Variants in LARGE1 observed in about 807,000 individuals in gnomAD.
LARGE1 encodes LARGE xylosyl- and glucuronyltransferase 1.
A neutral mutation model predicts 87.6 loss-of-function variants in LARGE1; 43 were observed. The observed-to-expected ratio is 0.49, with a 90% confidence interval of 0.38 to 0.63. The LOEUF (loss-of-function observed/expected upper bound fraction) is 0.63, where lower values mean the gene tolerates loss of function less well. Among genes scored for constraint, LARGE1 ranks in the 30% least tolerant of loss-of-function variants. The pLI, the probability that LARGE1 is intolerant of heterozygous loss-of-function variation, is 0.00. For synonymous variants in LARGE1, 434 were observed against 394.6 expected, an observed-to-expected ratio of 1.10 and a Z score of -1.18; for missense variants, 802 against 1,000.2, an observed-to-expected ratio of 0.80 and a Z score of 2.67.
At chr22:33,573,736 G>C (rs9609826) in intron 5 of LARGE1, among the ~76,000 whole-genome samples, 1 of 152,154 alleles carries the variant, frequency 6.6e-6, no homozygotes, top group Non-Finnish European at 1.5e-5. Context: ...CTGTGTGTCA[G>C]GAATCTCAGA....
At chr22:33,499,733 A>G (rs1458282329) in intron 6 of LARGE1, among the ~76,000 whole-genome samples, 3 of 152,164 alleles carry the variant, frequency 2.0e-5, no homozygotes, top group Non-Finnish European at 4.4e-5. Context: ...TTACGCAATT[A>G]TGTGTTGTAA....
intron 11 of LARGE1, among the ~76,000 whole-genome samples, chr22:33,267,262 A>C (rs1928003323): frequency 6.6e-6 from 1 of 151,364 alleles, no homozygotes; most frequent in Admixed American, 6.6e-5. Context: ...ATAAAACCCC[A>C]AAAAATCCCT....
chr22:33,338,427 G>C (rs563986540), intron 9 of LARGE1, among the ~76,000 whole-genome samples: 2 of 152,218 alleles, frequency 1.3e-5, no homozygotes, highest in South Asian at 4.1e-4. Context: ...TGCCATCCTA[G>C]AGGTCTGGGT....
chr22:33,165,190 C>A (rs184151634), exon 12 of LARGE1: 94 of 152,118 alleles, frequency 6.2e-4, no homozygotes, highest in African/African-American at 2.2e-3. Context: ...TTGATTTTAC[C>A]CCAGAAGAAC....
intron 6 of LARGE1, among the ~76,000 whole-genome samples, chr22:33,512,420 G>A (rs2071096855): frequency 6.6e-6 from 1 of 152,172 alleles, no homozygotes; most frequent in Non-Finnish European, 1.5e-5. Context: ...AATATTAAGT[G>A]AAAATAAAAG....
In LARGE1 at chr22:33,620,120, C is replaced by T. The variant is rs188668941; in HGVS notation, c.491+6124G>A. On this transcript the variant is annotated intron_variant, in intron 4 of 14. Transcript: ENST00000397394. The stretch of plus-strand genomic sequence containing the variant: ...GACAATTAAAGGCAGATACTGGTCA[C>T]GAATATGCTCTTTTATTCACCACGT... Among the ~76,000 whole-genome samples, 498 of 152,196 alleles carry T rather than the reference C, an allele frequency of 3.3e-3. 2 individuals carry two copies. The highest frequency in any genetic ancestry group is 0.01 in the African/African-American group (435 of 41,526).
chr22:33,802,021 T>C (rs17735172), intron 1 of LARGE1, among the ~76,000 whole-genome samples: 11,666 of 144,684 alleles, frequency 0.081, 552 homozygotes, highest in South Asian at 0.23. Context: ...AAATGCCTGA[T>C]AACTAACTCT....
At chr22:33,730,986 C>T (rs1376548124) in intron 2 of LARGE1, among the ~76,000 whole-genome samples, 11 of 148,180 alleles carry the variant, frequency 7.4e-5, no homozygotes, top group African/African-American at 2.5e-4. Flanking sequence ...TGAACCACTG[C>T]GCCCAGCCTG....
At chr22:33,552,669 A>G (rs1238334904) in intron 6 of LARGE1, among the ~76,000 whole-genome samples, 2 of 152,332 alleles carry the variant, frequency 1.3e-5, no homozygotes, top group East Asian at 1.9e-4. Context: ...TATTGCTAAT[A>G]AAAATAATCA....
the LARGE1 span, among the ~76,000 whole-genome samples, chr22:33,153,588 A>G: frequency 6.6e-6 from 1 of 152,208 alleles, no homozygotes; most frequent in Non-Finnish European, 1.5e-5. Flanking sequence ...CCTGCAGCAT[A>G]GTACTTACTC....
intron 1 of LARGE1, among the ~76,000 whole-genome samples, chr22:33,880,670 C>T (rs985084764): frequency 1.9e-4 from 29 of 152,186 alleles, no homozygotes; most frequent in African/African-American, 7.0e-4. Context: ...CTTTGCTAAA[C>T]CTCCCAGCCA....
At chr22:33,329,915 G>A (rs1937531122) in intron 10 of LARGE1, among the ~76,000 whole-genome samples, 1 of 152,062 alleles carries the variant, frequency 6.6e-6, no homozygotes, top group African/African-American at 2.4e-5. Flanking sequence ...ATAGCAAACT[G>A]AATGGAAACT....
intron 4 of LARGE1, among the ~76,000 whole-genome samples, chr22:33,613,793 C>T (rs1352794902): frequency 6.6e-6 from 1 of 152,224 alleles, no homozygotes; most frequent in Non-Finnish European, 1.5e-5. Context: ...CACCACCTGA[C>T]ACAGTAAGGA....
rs10605303 is a variant in LARGE1, at chr22:33,450,603, T to TTAAATAAA, written c.788-18346_788-18339dup. 4.5e-3 allele frequency among the ~76,000 whole-genome samples: 677 copies of TTAAATAAA among 149,394 alleles called. 2 individuals are homozygous for TTAAATAAA. The highest frequency in any genetic ancestry group is 9.8e-3 in the South Asian group (45 of 4,604). Reference sequence around the variant, plus strand: ...GCCTGGGCAACAAAGCAAGATTCTGTTAAATAAATAAATAAATAAATAAAT... The same window carrying TTAAATAAA: ...GCCTGGGCAACAAAGCAAGATTCTGTTAAATAAATAAATAAATAAATAAATAAATAAAT... On this transcript the variant is annotated intron_variant, in intron 6 of 14. Coordinates refer to ENST00000397394, the MANE Select transcript of LARGE1 (RefSeq NM_133642.5).
At chr22:33,525,616 G>A (rs1259028872) in intron 6 of LARGE1, among the ~76,000 whole-genome samples, 1 of 151,910 alleles carries the variant, frequency 6.6e-6, no homozygotes, top group Admixed American at 6.6e-5. Flanking sequence ...CTGTTCCTAG[G>A]TGACCCGTAA....
intron 9 of LARGE1, among the ~76,000 whole-genome samples, chr22:33,348,268 G>T (rs896859431): frequency 1.1e-5 from 1 of 94,972 alleles, no homozygotes; most frequent in African/African-American, 4.2e-5. Context: ...CTCTGTCCCC[G>T]CTCCCCCACC....
At chr22:33,498,927 G>A (rs149941927) in intron 6 of LARGE1, among the ~76,000 whole-genome samples, 5 of 152,196 alleles carry the variant, frequency 3.3e-5, no homozygotes, top group East Asian at 1.9e-4. Context: ...AGCCGAGATC[G>A]CGCCACTGCA....
chr22:33,432,958 T>A (rs5998940), intron 6 of LARGE1, among the ~76,000 whole-genome samples: 57,490 of 152,138 alleles, frequency 0.38, 11,915 homozygotes, highest in African/African-American at 0.54. Flanking sequence ...CTGGCGTTGA[T>A]GTTGGCCTCA....
At chr22:33,907,629 G>A (rs1181362902) in intron 1 of LARGE1, among the ~76,000 whole-genome samples, 2 of 151,490 alleles carry the variant, frequency 1.3e-5, no homozygotes, top group African/African-American at 2.4e-5. Context: ...GCGCAGTGGC[G>A]CGATCTCGGC....
Sources: allele counts gnomAD v4.1 joint callset (sites outside exome capture counted in the v4.1 genomes callset), GRCh38; gene constraint gnomAD v4.1.1; transcripts MANE v1.5; gene names NCBI Gene and HGNC (gene_info 2026-07-23, HGNC 2026-07-21).